BIRC6: variants seen among roughly 807,000 people sequenced by gnomAD.
BIRC6 encodes baculoviral IAP repeat containing 6.
A neutral mutation model predicts 503.3 loss-of-function variants in BIRC6; 98 were observed. The ratio of observed to expected loss-of-function variants is 0.19; its 90% confidence interval spans 0.17 to 0.23. The LOEUF (loss-of-function observed/expected upper bound fraction) is 0.23. Among genes scored for constraint, BIRC6 ranks in the 10% least tolerant of loss-of-function variants. BIRC6 has a pLI of 1.00. For missense variants in BIRC6, 5,360 were observed against 5,806.0 expected, an observed-to-expected ratio of 0.92 and a Z score of 2.50; for synonymous variants, 2,240 against 2,078.7, an observed-to-expected ratio of 1.08 and a Z score of -2.11.
intron 13 of BIRC6, among the ~76,000 whole-genome samples, 194 bp from the exon 14 acceptor site, chr2:32,435,302 A>G (rs983895345): frequency 6.6e-6 from 1 of 152,220 alleles, no homozygotes; most frequent in Non-Finnish European, 1.5e-5. Flanking sequence ...AATGTATAAA[A>G]CAATTGAATC....
chr2:32,478,708 A>G lies in BIRC6; in HGVS notation c.7142A>G (p.Glu2381Gly). 6.2e-7 allele frequency: 1 copy of G among 1,613,942 alleles called. No individual in the cohort carries two copies. Among genetic ancestry groups the G allele is most frequent in the Non-Finnish European group, 8.5e-7 (1 of 1,179,862 alleles). The change falls in exon 36 of 74, where the codon GAA becomes GGA. Residue 2381 changes from glutamate (E) to glycine (G), a missense_variant. Physicochemically the swap from Glu to Gly is moderately conservative, Grantham distance 98. Transcript: ENST00000421745. ...GAGATTGTGAACGAACCCCAGCTGG[A>G]AAGACTGCTGTTACTTTTGGTTGGA... ...LCEIVNEPQL[E>G]RLLLLLVGTD...
chr2:32,435,695 C>A, intron 14 of BIRC6, 110 bp downstream of exon 14: 2 of 1,169,638 alleles, frequency 1.7e-6, no homozygotes, highest in Non-Finnish European at 2.3e-6. Context: ...GTTTCAAGAA[C>A]ACAATTAAAA....
Position 32,429,182 on chromosome 2 carries a change from GTGA to G in BIRC6, c.2914_2916del (p.Asp972del). ...CATTTTCTCCAAATTGGAGGAACCT[GTGA>G]TGATATTGATGAAGCTGATATACTA... On this transcript the variant is annotated inframe_deletion, in exon 11 of 74. Coordinates refer to ENST00000421745, the MANE Select transcript of BIRC6 (RefSeq NM_016252.4). 1 of 1,592,952 alleles carries G rather than the reference GTGA, an allele frequency of 6.3e-7. No homozygotes were observed. Among genetic ancestry groups the G allele is most frequent in the Non-Finnish European group, 8.6e-7 (1 of 1,168,802 alleles).
intron 20 of BIRC6, among the ~76,000 whole-genome samples, 187 bp downstream of exon 20, chr2:32,443,775 G>A (rs1224108136): frequency 3.3e-5 from 5 of 152,162 alleles, no homozygotes; most frequent in African/African-American, 9.7e-5. Context: ...GTACTCCAAG[G>A]AAAAGGTTCA....
chr2:32,432,708 C>T (rs901988055), intron 12 of BIRC6, among the ~76,000 whole-genome samples: 1 of 149,606 alleles, frequency 6.7e-6, no homozygotes, highest in Non-Finnish European at 1.5e-5. Context: ...TGTAGTGAGC[C>T]GTGATTGTGC....
At chr2:32,602,042 T>C (rs899902479) in intron 70 of BIRC6, among the ~76,000 whole-genome samples, 2 of 152,242 alleles carry the variant, frequency 1.3e-5, no homozygotes, top group African/African-American at 4.8e-5. Flanking sequence ...AAAATAGTTA[T>C]TTTAGTAAAA....
intron 66 of BIRC6, among the ~76,000 whole-genome samples, chr2:32,578,989 T>TATATATATATATATAC (rs1480624603): frequency 0.059 from 5,259 of 89,606 alleles, 574 homozygotes; most frequent in Non-Finnish European, 0.087. Flanking sequence ...AATATATATA[T>TATATATATATATATAC]ACACTTAATA....
At chr2:32,452,083 A>G (rs955732709) in intron 22 of BIRC6, among the ~76,000 whole-genome samples, 2 of 152,216 alleles carry the variant, frequency 1.3e-5, no homozygotes, top group Non-Finnish European at 2.9e-5. Flanking sequence ...CCTTTAAGAA[A>G]TTACCACTTG....
intron 45 of BIRC6, among the ~76,000 whole-genome samples, chr2:32,498,323 A>G (rs150433318): frequency 5.0e-4 from 76 of 152,268 alleles, no homozygotes; most frequent in Middle Eastern, 6.8e-3. Flanking sequence ...TGTCACTGGC[A>G]TTACAGGCAT....
Position 32,371,322 on chromosome 2 carries a change from A to G in BIRC6, c.326-6266A>G, listed in dbSNP as rs569865470. Among the ~76,000 whole-genome samples the G allele has an allele frequency of 5.3e-5, 8 of 151,706 alleles. No homozygotes were observed. In the East Asian group the frequency reaches 1.4e-3, roughly 26 times the overall value. Reference sequence around the variant, plus strand: ...AAAAGTAAGTACGTATAATTTCATTACCTAGAGATGGGCATTGTTAACATT... The same window carrying G: ...AAAAGTAAGTACGTATAATTTCATTGCCTAGAGATGGGCATTGTTAACATT... On this transcript the variant is annotated intron_variant, in intron 1 of 73. Coordinates refer to ENST00000421745, the MANE Select transcript of BIRC6 (RefSeq NM_016252.4).
chr2:32,481,242 T>C (rs2050370645), intron 37 of BIRC6, 78 bp from the exon 38 acceptor site: 1 of 1,325,862 alleles, frequency 7.5e-7, no homozygotes, highest in Non-Finnish European at 1.0e-6. Flanking sequence ...AAAATAACTT[T>C]TTTTAACTAA....
chr2:32,447,393 A>C (rs1235079437), intron 21 of BIRC6, among the ~76,000 whole-genome samples: 1 of 137,850 alleles, frequency 7.3e-6, no homozygotes, highest in Non-Finnish European at 1.6e-5. Context: ...TGATCCCCCC[A>C]CCTCCCTCCC....
chr2:32,519,955 C>T (rs1336313169), intron 57 of BIRC6, among the ~76,000 whole-genome samples: 1 of 152,224 alleles, frequency 6.6e-6, no homozygotes, highest in Middle Eastern at 3.2e-3. Flanking sequence ...ACACACATTC[C>T]ACCTCACAAG....
intron 30 of BIRC6, among the ~76,000 whole-genome samples, 177 bp downstream of exon 30, chr2:32,469,791 G>A (rs1180659893): frequency 6.6e-6 from 1 of 152,192 alleles, no homozygotes; most frequent in Non-Finnish European, 1.5e-5. Flanking sequence ...AAGATAATAA[G>A]TGATAATTAG....
intron 9 of BIRC6, among the ~76,000 whole-genome samples, chr2:32,413,159 G>A (rs2042070540): frequency 6.7e-6 from 1 of 149,428 alleles, no homozygotes; most frequent in Admixed American, 6.7e-5. Flanking sequence ...ACAGGCATGT[G>A]CCACCATGCC....
chr2:32,386,497 A>G (rs1384368222), intron 3 of BIRC6, among the ~76,000 whole-genome samples: 2 of 148,360 alleles, frequency 1.3e-5, no homozygotes, highest in Non-Finnish European at 3.0e-5. Context: ...AGGCTGGAGT[A>G]CAGTGGTGTG....
intron 50 of BIRC6, 94 bp downstream of exon 50, chr2:32,505,299 G>C: frequency 9.8e-7 from 1 of 1,019,886 alleles, no homozygotes; most frequent in Non-Finnish European, 1.4e-6. Flanking sequence ...AATACACTTA[G>C]GTGTGATTAC....
At chr2:32,555,408 A>C (rs2058703388) in intron 65 of BIRC6, among the ~76,000 whole-genome samples, 1 of 151,956 alleles carries the variant, frequency 6.6e-6, no homozygotes, top group Admixed American at 6.6e-5. Flanking sequence ...TGGGAGGCCG[A>C]CCCGGGCAGA....
At chr2:32,373,977 A>C (rs1451309303) in intron 1 of BIRC6, among the ~76,000 whole-genome samples, 2 of 152,216 alleles carry the variant, frequency 1.3e-5, no homozygotes, top group East Asian at 3.8e-4. Context: ...GATTCCTTCC[A>C]TTCATGTGAG....
Sources: allele counts gnomAD v4.1 joint callset (sites outside exome capture counted in the v4.1 genomes callset), GRCh38; gene constraint gnomAD v4.1.1; transcripts MANE v1.5; gene names NCBI Gene and HGNC (gene_info 2026-07-23, HGNC 2026-07-21).